The following ECPAS variants were observed in gnomAD, a reference collection of about 807,000 sequenced individuals.
ECPAS encodes the protein proteasome adapter and scaffold protein ECM29.
Under a neutral mutation model 255.1 loss-of-function variants are expected in ECPAS, and 70 were observed. The ratio of observed to expected loss-of-function variants is 0.27; its 90% confidence interval spans 0.23 to 0.33. ECPAS has a LOEUF of 0.33. Ranked by LOEUF, ECPAS falls within the 10% of genes least tolerant of loss-of-function variation. ECPAS has a pLI of 1.00. For synonymous variants in ECPAS, 784 were observed against 775.0 expected, an observed-to-expected ratio of 1.01 and a Z score of -0.19; for missense variants, 1,817 against 2,206.4, an observed-to-expected ratio of 0.82 and a Z score of 3.54.
chr9:111,400,966 A>C (rs547639350), intron 24 of ECPAS, among the ~76,000 whole-genome samples: 4 of 152,210 alleles, frequency 2.6e-5, no homozygotes, highest in Non-Finnish European at 4.4e-5. Flanking sequence ...CCCAAGGCAT[A>C]TAATAAACTC....
At chr9:111,466,446 A>G (rs1476659627) in intron 2 of ECPAS, among the ~76,000 whole-genome samples, 1 of 150,832 alleles carries the variant, frequency 6.6e-6, no homozygotes, top group African/African-American at 2.4e-5. Context: ...CTCCGTCTCA[A>G]AAAATAAAAA....
intron 1 of ECPAS, chr9:111,483,848 T>C: frequency 5.9e-6 from 2 of 341,584 alleles, no homozygotes; most frequent in Non-Finnish European, 8.2e-6. Flanking sequence ...GCGGCGGCTC[T>C]GCGACTCCGC....
At chr9:111,471,777 A>G (rs2098288518) in intron 2 of ECPAS, among the ~76,000 whole-genome samples, 1 of 152,206 alleles carries the variant, frequency 6.6e-6, no homozygotes, top group South Asian at 2.1e-4. Context: ...TCCAATTACC[A>G]TGAAGATGCC....
At chr9:111,412,208 A>G in intron 20 of ECPAS, 60 bp from the exon 21 acceptor site, 1 of 1,371,428 alleles carries the variant, frequency 7.3e-7, no homozygotes, top group Non-Finnish European at 9.6e-7. Flanking sequence ...GCCTGATGAC[A>G]ACATCTTTTA....
intron 2 of ECPAS, among the ~76,000 whole-genome samples, chr9:111,459,920 G>A (rs2098271226): frequency 6.6e-6 from 1 of 152,154 alleles, no homozygotes; most frequent in Non-Finnish European, 1.5e-5. Flanking sequence ...AGGGATGGCA[G>A]GGGAACACAT....
rs372614104 is a variant in ECPAS, at chr9:111,393,698, C to A, written c.2959G>T (p.Val987Phe). 3.8e-6 allele frequency: 6 copies of A among 1,584,618 alleles called. No individual in the cohort carries two copies. The highest frequency in any genetic ancestry group is 5.2e-6 in the Non-Finnish European group (6 of 1,155,266). Residue 987 changes from valine (V) to phenylalanine (F), a missense_variant, in exon 27 of 50, where the codon GTT (valine) becomes TTT (phenylalanine). Physicochemically the swap from Val to Phe is conservative, Grantham distance 50. Coordinates refer to ENST00000684092, the MANE Select transcript of ECPAS (RefSeq NM_001364929.1). ...AACCTACCATCATTTTCTGATAGAA[C>A]TGAAACAAATGCACTTTGAATTTCT... ...LKEIQSAFVS[V>F]LSENDELSQD...
chr9:111,464,327 C>T (rs906229157), intron 2 of ECPAS, among the ~76,000 whole-genome samples: 18 of 150,834 alleles, frequency 1.2e-4, no homozygotes, highest in Non-Finnish European at 2.2e-4. Flanking sequence ...GTCCCAGCTA[C>T]TCAGTACTCG....
intron 28 of ECPAS, 140 bp downstream of exon 28, chr9:111,392,625 CACA>C: frequency 8.3e-6 from 5 of 603,482 alleles, no homozygotes; most frequent in African/African-American, 1.9e-5. Flanking sequence ...CTATCCACAG[CACA>C]ACAATTATGG....
chr9:111,415,250 T>A (rs983688375), intron 18 of ECPAS, among the ~76,000 whole-genome samples: 11 of 133,268 alleles, frequency 8.3e-5, no homozygotes, highest in African/African-American at 2.6e-4. Context: ...TGTGTGTGTG[T>A]GTGAGAGAGA....
At chr9:111,397,485 C>T (rs2098169409) in intron 24 of ECPAS, among the ~76,000 whole-genome samples, 1 of 152,148 alleles carries the variant, frequency 6.6e-6, no homozygotes, top group African/African-American at 2.4e-5. Context: ...CCATGTAAGT[C>T]TCAATATAAA....
intron 35 of ECPAS, among the ~76,000 whole-genome samples, chr9:111,380,559 G>C (rs35419624): frequency 0.28 from 43,145 of 152,162 alleles, 7,558 homozygotes; most frequent in Non-Finnish European, 0.4. Flanking sequence ...CAGCTGCATT[G>C]GCCCCTAACA....
chr9:111,362,197 A>G (rs1564489912), intron 49 of ECPAS, 28 bp from the exon 50 acceptor site: 1 of 1,512,584 alleles, frequency 6.6e-7, no homozygotes, highest in Non-Finnish European at 8.8e-7. Flanking sequence ...AACAAAAACA[A>G]AAAAAACAAA....
At chr9:111,378,492 A>T in intron 36 of ECPAS, 88 bp downstream of exon 36, 1 of 1,339,896 alleles carries the variant, frequency 7.5e-7, no homozygotes, top group African/African-American at 1.4e-5. Flanking sequence ...TGGTAACAGT[A>T]GTGACAGTGT....
At chr9:111,378,476 GAGTTCTGGTAAC>G in intron 36 of ECPAS, 92 bp downstream of exon 36, 1 of 1,165,296 alleles carries the variant, frequency 8.6e-7, no homozygotes, top group Non-Finnish European at 1.2e-6. Context: ...GACAGAGGGT[GAGTTCTGGTAAC>G]AGTAGTGACA....
intron 4 of ECPAS, 25 bp downstream of exon 4, chr9:111,444,353 G>C (rs1381187337): frequency 6.6e-7 from 1 of 1,519,084 alleles, no homozygotes; most frequent in Non-Finnish European, 9.0e-7. Context: ...CTGTAAGTCA[G>C]AAAATATTCC....
At chr9:111,479,316 G>C (rs971193955) in intron 1 of ECPAS, among the ~76,000 whole-genome samples, 7 of 152,174 alleles carry the variant, frequency 4.6e-5, no homozygotes, top group Non-Finnish European at 7.3e-5. Context: ...TGTTAAGGCA[G>C]GCAGGGCACA....
At chr9:111,368,145 T>C (rs1419126367) in intron 46 of ECPAS, among the ~76,000 whole-genome samples, 1 of 152,184 alleles carries the variant, frequency 6.6e-6, no homozygotes, top group Non-Finnish European at 1.5e-5. Context: ...CTTGGCCTTT[T>C]GGCTAAGATC....
chr9:111,401,278 G>C (rs2098175636), intron 24 of ECPAS, among the ~76,000 whole-genome samples: 1 of 152,162 alleles, frequency 6.6e-6, no homozygotes, highest in Non-Finnish European at 1.5e-5. Context: ...AGAGTAAAAA[G>C]AGAGAAATTT....
At chr9:111,421,380 A>T (rs546348706) in intron 15 of ECPAS, among the ~76,000 whole-genome samples, 1 of 151,714 alleles carries the variant, frequency 6.6e-6, no homozygotes, top group Admixed American at 6.6e-5. Context: ...AGAACTGACT[A>T]AAGCAAATAT....
Sources: gnomAD v4.1 joint callset for allele counts (sites outside exome capture counted in the v4.1 genomes callset) on GRCh38, gnomAD v4.1.1 for gene constraint, MANE v1.5 for transcripts, NCBI Gene and HGNC (gene_info 2026-07-23, HGNC 2026-07-21) for gene names.